Variants in CNTLN observed in about 807,000 individuals in gnomAD.
The protein encoded by CNTLN is centlein, centrosomal protein.
CNTLN carries 212 observed loss-of-function variants against 180.0 expected under a neutral mutation model. The ratio of observed to expected loss-of-function variants is 1.18; its 90% CI spans 1.05 to 1.32. CNTLN has a LOEUF of 1.32. CNTLN is among the 40% of genes most tolerant of loss of function. CNTLN has a pLI of 0.00. For missense variants in CNTLN, 2,095 were observed against 1,610.9 expected, an observed-to-expected ratio of 1.30 and a Z score of -5.14; for synonymous variants, 722 against 563.1, an observed-to-expected ratio of 1.28 and a Z score of -3.99.
intron 18 of CNTLN, 36 bp downstream of exon 18, chr9:17,416,225 A>C: frequency 1.3e-6 from 2 of 1,482,654 alleles, no homozygotes; most frequent in South Asian, 1.2e-5. Context: ...GTAGTATACT[A>C]TATTGTAAAA....
intron 12 of CNTLN, among the ~76,000 whole-genome samples, chr9:17,348,511 G>GCTTTCTTT (rs763590963): frequency 5.3e-5 from 8 of 150,870 alleles, no homozygotes; most frequent in African/African-American, 1.7e-4. Context: ...TTCTCACTCT[G>GCTTTCTTT]CTTTCTTTCT....
At chr9:17,251,701 G>A (rs1410859618) in intron 5 of CNTLN, among the ~76,000 whole-genome samples, 6 of 151,838 alleles carry the variant, frequency 4.0e-5, no homozygotes, top group African/African-American at 1.4e-4. Flanking sequence ...GGTATTTGGG[G>A]TCTCCGTCAC....
chr9:17,477,174 G>C (rs140697210), intron 23 of CNTLN, among the ~76,000 whole-genome samples: 73 of 152,236 alleles, frequency 4.8e-4, no homozygotes, highest in African/African-American at 1.8e-3. Flanking sequence ...CCAATATTGA[G>C]ACCTATTGCT....
In CNTLN at chr9:17,394,811, A is replaced by G. The variant is rs1459083510; in HGVS notation, c.2357A>G (p.Asn786Ser). Residue 786 changes from asparagine to serine, a missense_variant, in exon 15 of 26, where the codon AAT (asparagine) becomes AGT (serine). Physicochemically the swap from Asn to Ser is conservative, Grantham distance 46. Transcript: ENST00000380647. ...RQVAEANALR[N>S]ENEELINPME... is the part of the protein sequence containing the mutation. Reference sequence around the variant, plus strand: ...GTGGCAGAAGCTAATGCATTGAGAAATGAAAATGAAGAGCTGATCAACCCA... The same window carrying G: ...GTGGCAGAAGCTAATGCATTGAGAAGTGAAAATGAAGAGCTGATCAACCCA... 1.2e-6 allele frequency: 2 copies of G among 1,614,062 alleles called. No homozygotes were observed. The highest frequency in any genetic ancestry group is 8.5e-7 in the Non-Finnish European group (1 of 1,179,992).
intron 5 of CNTLN, among the ~76,000 whole-genome samples, chr9:17,243,583 G>A (rs1360737417): frequency 6.6e-6 from 1 of 152,192 alleles, no homozygotes; most frequent in South Asian, 2.1e-4. Flanking sequence ...TGGTTATTCA[G>A]GAGCATATTG....
At chr9:17,186,185 C>T (rs1821425407) in intron 2 of CNTLN, among the ~76,000 whole-genome samples, 1 of 152,104 alleles carries the variant, frequency 6.6e-6, no homozygotes, top group Non-Finnish European at 1.5e-5. Context: ...CATATTCTGC[C>T]ACATGTTCAT....
chr9:17,409,278 C>T lies in CNTLN; in HGVS notation c.2616-15C>T. 1 of 1,601,840 alleles carries T rather than the reference C, an allele frequency of 6.2e-7. No homozygotes were observed. The highest frequency in any genetic ancestry group is 1.3e-5 in the African/African-American group (1 of 74,074). The stretch of plus-strand genomic sequence containing the variant: ...TTTATTCTTGGATTTTATGTCCCTA[C>T]TTTTTTCTAAAAAGCAGTGATTCTG... On this transcript the variant is annotated splice_polypyrimidine_tract_variant and intron_variant, in intron 15 of 25. Coordinates refer to ENST00000380647, the MANE Select transcript of CNTLN (RefSeq NM_017738.4).
At chr9:17,142,735 A>G (rs1051322570) in intron 1 of CNTLN, among the ~76,000 whole-genome samples, 2 of 152,174 alleles carry the variant, frequency 1.3e-5, no homozygotes, top group African/African-American at 4.8e-5. Context: ...AGAATCTCTA[A>G]TTCATCCCTA....
At chr9:17,472,984 G>A (rs373846687) in intron 23 of CNTLN, among the ~76,000 whole-genome samples, 10 of 151,802 alleles carry the variant, frequency 6.6e-5, no homozygotes, top group East Asian at 1.9e-4. Flanking sequence ...TTGTATCATC[G>A]TCACTTTCTT....
Position 17,277,618 on chromosome 9 carries a change from T to C in CNTLN, c.983+3752T>C, listed in dbSNP as rs1046238241. ...ATCCTAGTTATTTGGTAAAACATGA[T>C]TAATTCACGTAGAGAACCCAAAATA... On this transcript the variant is annotated intron_variant, in intron 6 of 25. Transcript: ENST00000380647. Among the ~76,000 whole-genome samples, 102 of 152,064 alleles carry C rather than the reference T, an allele frequency of 6.7e-4. 2 individuals are homozygous for C. The highest frequency in any genetic ancestry group is 2.4e-4 in the Non-Finnish European group (16 of 67,990).
At chr9:17,182,067 A>G (rs909815877) in intron 2 of CNTLN, among the ~76,000 whole-genome samples, 1 of 152,120 alleles carries the variant, frequency 6.6e-6, no homozygotes, top group Non-Finnish European at 1.5e-5. Flanking sequence ...TTCTGGCAGC[A>G]ATTAGGGAGG....
intron 18 of CNTLN, among the ~76,000 whole-genome samples, chr9:17,417,660 G>A (rs1312663536): frequency 6.6e-6 from 1 of 151,972 alleles, no homozygotes; most frequent in Non-Finnish European, 1.5e-5. Context: ...TTTCTTCATT[G>A]AGAGTTTGAA....
intron 21 of CNTLN, 138 bp from the exon 22 acceptor site, chr9:17,465,840 GTAT>G (rs1319658049): frequency 3.1e-6 from 2 of 650,822 alleles, no homozygotes; most frequent in African/African-American, 3.8e-5. Flanking sequence ...AGTTCTGTAA[GTAT>G]AATACTTGAA....
the CNTLN span, among the ~76,000 whole-genome samples, chr9:17,519,578 A>G: frequency 6.6e-6 from 1 of 152,206 alleles, no homozygotes; most frequent in African/African-American, 2.4e-5. Flanking sequence ...CATGGGATGC[A>G]GGGAGACTTG....
In CNTLN at chr9:17,408,869, C is replaced by G. The variant is rs945024777; in HGVS notation, c.2616-424C>G. Among the ~76,000 whole-genome samples, 3 of 151,438 alleles carry G rather than the reference C, an allele frequency of 2.0e-5. No individual in the cohort carries two copies. The East Asian group carries it at 5.8e-4, about 29-fold the overall frequency. ...AGTATTTTATTCAGTGATAAATAGC[C>G]ATAAGGGATGGAACTAGAATCAGTG... On this transcript the variant is annotated intron_variant, in intron 15 of 25. Transcript: ENST00000380647.
rs374064354 is a variant in CNTLN at position 17,332,698 on chromosome 9, A to T, written c.1612A>T (p.Ile538Phe). ...LQKLRKAERK[I>F]ENLEKALQLK... ...GAAGCTGAGAAAAGCTGAAAGAAAGATTGAAAACTTAGAGAAGGCACTACA... is the reference window on the plus strand; with the variant it reads ...GAAGCTGAGAAAAGCTGAAAGAAAGTTTGAAAACTTAGAGAAGGCACTACA... The change falls in exon 10 of 26, where the codon ATT becomes TTT. Residue 538 changes from isoleucine to phenylalanine, a missense_variant. Transcript: ENST00000380647. The T allele has an allele frequency of 1.9e-6, 3 of 1,605,932 alleles. No individual in the cohort carries two copies. Among genetic ancestry groups the T allele is most frequent in the African/African-American group, 2.7e-5 (2 of 74,366 alleles).
chr9:17,143,145 C>T (rs573013056), intron 1 of CNTLN, 143 bp from the exon 2 acceptor site: 422 of 540,868 alleles, frequency 7.8e-4, no homozygotes, highest in African/African-American at 7.2e-3. Flanking sequence ...AAAGTTTTAC[C>T]CCATTCCTTT....
intron 2 of CNTLN, among the ~76,000 whole-genome samples, chr9:17,171,963 A>G (rs1462613364): frequency 6.6e-6 from 1 of 151,942 alleles, no homozygotes; most frequent in African/African-American, 2.4e-5. Flanking sequence ...TGGCTTTAAG[A>G]TCTGGGCACA....
chr9:17,372,647 A>T (rs1158375208), intron 13 of CNTLN, among the ~76,000 whole-genome samples: 1 of 152,160 alleles, frequency 6.6e-6, no homozygotes, highest in Non-Finnish European at 1.5e-5. Flanking sequence ...TTAGCTTGAT[A>T]CCAAAACCAG....
Sources: gnomAD v4.1 joint callset for allele counts (sites outside exome capture counted in the v4.1 genomes callset) on GRCh38, gnomAD v4.1.1 for gene constraint, MANE v1.5 for transcripts, NCBI Gene and HGNC (gene_info 2026-07-23, HGNC 2026-07-21) for gene names.